SORBS2: variants seen among roughly 807,000 people sequenced by gnomAD.
SORBS2 encodes sorbin and SH3 domain-containing protein 2.
Under a neutral mutation model 97.7 loss-of-function variants are expected in SORBS2, and 46 were observed. The ratio of observed to expected loss-of-function variants is 0.47; its 90% CI spans 0.37 to 0.60. The LOEUF is 0.60. Among genes scored for constraint, SORBS2 ranks in the 20% least tolerant of loss-of-function variants. The pLI is 0.00. For missense variants in SORBS2, 1,316 were observed against 1,282.3 expected (o/e 1.03, Z -0.40); for synonymous variants, 476 against 473.4 (o/e 1.01, Z -0.07).
At chr4:185,906,835 T>C (rs1048766443) in intron 1 of SORBS2, among the ~76,000 whole-genome samples, 3 of 152,136 alleles carry the variant, frequency 2.0e-5, no homozygotes, top group Non-Finnish European at 2.9e-5. Context: ...GGAGGAATTA[T>C]TGGGAAGAGG....
intron 2 of SORBS2, among the ~76,000 whole-genome samples, chr4:185,680,268 T>G (rs1201460837): frequency 6.6e-6 from 1 of 152,228 alleles, no homozygotes. Flanking sequence ...CTCAGTCTGT[T>G]GGTTAGCTGG....
At chr4:185,713,143 C>A (rs2098438040) in intron 2 of SORBS2, among the ~76,000 whole-genome samples, 1 of 152,136 alleles carries the variant, frequency 6.6e-6, no homozygotes, top group East Asian at 1.9e-4. Context: ...CTCACTGCAC[C>A]TCTAGCTCAT....
chr4:185,769,100 C>G (rs1384419972), intron 2 of SORBS2, among the ~76,000 whole-genome samples: 3 of 65,936 alleles, frequency 4.5e-5, no homozygotes, highest in African/African-American at 2.5e-4. Context: ...AAAAGTCAAC[C>G]CTTAGCATGA....
intron 1 of SORBS2, among the ~76,000 whole-genome samples, chr4:185,942,757 G>A (rs367861106): frequency 6.6e-6 from 1 of 152,122 alleles, no homozygotes. Flanking sequence ...TCAGAACTAT[G>A]GTTCTTGCCT....
At chr4:185,844,352 A>C (rs2099213291) in intron 1 of SORBS2, among the ~76,000 whole-genome samples, 1 of 152,226 alleles carries the variant, frequency 6.6e-6, no homozygotes, top group East Asian at 1.9e-4. Context: ...GACACACGAA[A>C]AGATGCCCAA....
At chr4:185,803,611 A>T (rs754765845) in intron 1 of SORBS2, among the ~76,000 whole-genome samples, 1 of 152,188 alleles carries the variant, frequency 6.6e-6, no homozygotes, top group Non-Finnish European at 1.5e-5. Flanking sequence ...AAATCTAAAA[A>T]TTAATTGAAA....
At chr4:185,683,361 G>C (rs2097902848) in intron 2 of SORBS2, among the ~76,000 whole-genome samples, 1 of 152,154 alleles carries the variant, frequency 6.6e-6, no homozygotes, top group Non-Finnish European at 1.5e-5. Context: ...GCGTTCCCTG[G>C]TACGTGCGTC....
chr4:185,596,680 A>G (rs555441712), intron 12 of SORBS2, among the ~76,000 whole-genome samples: 2 of 151,624 alleles, frequency 1.3e-5, no homozygotes, highest in South Asian at 2.1e-4. Flanking sequence ...GACTACAGGC[A>G]CGCACCACCG....
chr4:185,853,020 T>G (rs2099218789), intron 1 of SORBS2, among the ~76,000 whole-genome samples: 1 of 152,236 alleles, frequency 6.6e-6, no homozygotes, highest in East Asian at 1.9e-4. Flanking sequence ...GGGAGTGGGT[T>G]AGTGGAAATA....
At chr4:185,716,365 C>A (rs1334607163) in intron 2 of SORBS2, among the ~76,000 whole-genome samples, 2 of 152,212 alleles carry the variant, frequency 1.3e-5, no homozygotes, top group African/African-American at 4.8e-5. Context: ...AACAACGGTG[C>A]CAACCTCCTG....
chr4:185,904,496 C>T (rs1469759071), intron 1 of SORBS2, among the ~76,000 whole-genome samples: 1 of 152,138 alleles, frequency 6.6e-6, no homozygotes, highest in Non-Finnish European at 1.5e-5. Context: ...AGCCTCCCTG[C>T]CTGTGGTACT....
At chr4:185,587,592 T>C in exon 15 of SORBS2, 1 of 1,602,128 alleles carries the variant, frequency 6.2e-7, no homozygotes, top group Non-Finnish European at 8.5e-7. Context: ...GGTGCATGGC[T>C]GGCAGGCGGC....
intron 1 of SORBS2, among the ~76,000 whole-genome samples, chr4:185,804,099 C>T (rs1039469849): frequency 8.5e-5 from 13 of 152,114 alleles, no homozygotes; most frequent in African/African-American, 3.1e-4. Context: ...TGCTTTGATA[C>T]TTAGCTTAGT....
chr4:185,767,394 GGA>G (rs1428370807), intron 2 of SORBS2, among the ~76,000 whole-genome samples: 1 of 141,722 alleles, frequency 7.1e-6, no homozygotes, highest in Non-Finnish European at 1.6e-5. Context: ...CAGTTACTCG[GGA>G]GGCTGAGGCA....
At chr4:185,882,909 G>C (rs2099237571) in intron 1 of SORBS2, among the ~76,000 whole-genome samples, 1 of 152,060 alleles carries the variant, frequency 6.6e-6, no homozygotes, top group Non-Finnish European at 1.5e-5. Context: ...ATGAACTCAA[G>C]TGGATCATAG....
intron 4 of SORBS2, 51 bp from the exon 14 acceptor site, chr4:185,639,086 C>A (rs2097082706): frequency 8.9e-6 from 13 of 1,459,792 alleles, no homozygotes; most frequent in Non-Finnish European, 1.2e-5. Flanking sequence ...AGGCTCTGGG[C>A]GGAACCGCGA....
At chr4:185,715,116 T>C (rs2098455377) in intron 2 of SORBS2, among the ~76,000 whole-genome samples, 1 of 152,238 alleles carries the variant, frequency 6.6e-6, no homozygotes, top group Non-Finnish European at 1.5e-5. Context: ...TTGCAAAGAA[T>C]AAATTTACTT....
intron 1 of SORBS2, among the ~76,000 whole-genome samples, chr4:185,912,182 T>C (rs2099255504): frequency 6.6e-6 from 1 of 152,192 alleles, no homozygotes; most frequent in Non-Finnish European, 1.5e-5. Flanking sequence ...TTCTTTCTTT[T>C]CTCAGTGGTG....
chr4:185,624,262 G>A (rs369888004), exon 7 of SORBS2: 17 of 1,614,046 alleles, frequency 1.1e-5, no homozygotes, highest in African/African-American at 2.7e-5. Flanking sequence ...TTAGGAGATC[G>A]TCACAGCTCC....
Sources: gnomAD v4.1 joint callset for allele counts (sites outside exome capture counted in the v4.1 genomes callset) on GRCh38, gnomAD v4.1.1 for gene constraint, MANE v1.5 for transcripts, NCBI Gene and HGNC (gene_info 2026-07-23, HGNC 2026-07-21) for gene names.